ACACA: variants seen among roughly 807,000 people sequenced by gnomAD.
ACACA encodes the protein acetyl-CoA carboxylase alpha, also known as acetyl-CoA carboxylase 1.
Under a neutral mutation model 296.1 loss-of-function variants are expected in ACACA, and 103 were observed. The observed-to-expected ratio is 0.35, with a 90% CI of 0.30 to 0.41. ACACA has a LOEUF of 0.41. Among genes scored for constraint, ACACA ranks in the 10% least tolerant of loss-of-function variants. The probability of loss-of-function intolerance (pLI) is 1.00; values close to 1 mark genes in which losing one functional copy is unlikely to be tolerated. For synonymous variants in ACACA, 953 were observed against 1,038.6 expected (o/e 0.92, Z 1.58); for missense variants, 1,554 against 2,989.7 (o/e 0.52, Z 11.20).
intron 5 of ACACA, 34 bp downstream of exon 5, chr17:37,283,233 T>G: frequency 6.2e-7 from 1 of 1,613,772 alleles, no homozygotes; most frequent in South Asian, 1.1e-5. Flanking sequence ...GTTTTAGTTT[T>G]GAGAGTGATG....
intron 29 of ACACA, among the ~76,000 whole-genome samples, chr17:37,219,517 G>A (rs976206042): frequency 7.2e-5 from 11 of 152,046 alleles, no homozygotes; most frequent in African/African-American, 2.7e-4. Context: ...GGACAATTTG[G>A]TGGTGGACTG....
chr17:37,390,171 T>TACACAC lies in ACACA; in HGVS notation c.38+16090_38+16091insGTGTGT, dbSNP rs1214175820. ...ATATATATATATATATATATATATA[T>TACACAC]ATATACACACACACATTATATATAA... On this transcript the variant is annotated intron_variant, in intron 1 of 55. Transcript: ENST00000616317. Among the ~76,000 whole-genome samples the TACACAC allele has an allele frequency of 7.1e-5, 4 of 56,176 alleles. 1 individual carries two copies. Among genetic ancestry groups the TACACAC allele is most frequent in the African/African-American group, 4.0e-4 (4 of 10,088 alleles). 36.9% of individuals were successfully genotyped at this position (56,176 alleles called of 152,430 possible). A position where few individuals can be genotyped will look rare whatever the true frequency, so the allele number is the denominator to read the frequency against.
At chr17:37,290,206 C>G (rs982731600) in intron 3 of ACACA, among the ~76,000 whole-genome samples, 23 of 152,214 alleles carry the variant, frequency 1.5e-4, no homozygotes, top group African/African-American at 5.5e-4. Flanking sequence ...TGCCACCACG[C>G]TCGACTAATT....
intron 1 of ACACA, among the ~76,000 whole-genome samples, chr17:37,359,584 G>A (rs989667778): frequency 6.6e-6 from 1 of 152,196 alleles, no homozygotes; most frequent in Non-Finnish European, 1.5e-5. Flanking sequence ...AGGGACAGAG[G>A]CGTCCCAAGT....
chr17:37,175,826 C>A (rs564136318), intron 41 of ACACA, among the ~76,000 whole-genome samples: 1 of 152,272 alleles, frequency 6.6e-6, no homozygotes, highest in East Asian at 1.9e-4. Flanking sequence ...TTTCATCATG[C>A]ATTAGGTGGT....
In ACACA at chr17:37,240,474, A is replaced by G; in HGVS notation, c.3121+2T>C. 6.2e-7 allele frequency: 1 copy of G among 1,613,428 alleles called. No homozygotes were observed. Among genetic ancestry groups the G allele is most frequent in the Non-Finnish European group, 8.5e-7 (1 of 1,179,846 alleles). ...CTAGAGAGTCCTCAGGAAGAGGCTT[A>G]CCATTCTGGAATTGTGTCTCTACTC... On this transcript the variant is annotated splice_donor_variant, in intron 24 of 55. Transcript: ENST00000616317. LOFTEE classifies it high-confidence loss of function.
chr17:37,136,111 CCAT>C (rs1219333569), intron 45 of ACACA, among the ~76,000 whole-genome samples: 6 of 151,778 alleles, frequency 4.0e-5, no homozygotes, highest in Non-Finnish European at 7.4e-5. Flanking sequence ...GCAAAACTGT[CCAT>C]CATAAGGTAT....
chr17:37,153,897 A>G (rs1448166460), intron 43 of ACACA, among the ~76,000 whole-genome samples: 2 of 152,178 alleles, frequency 1.3e-5, no homozygotes, highest in Non-Finnish European at 2.9e-5. Context: ...GGAAAAACAT[A>G]CCCTGTTTCT....
chr17:37,311,693 T>C (rs780598876), intron 3 of ACACA, among the ~76,000 whole-genome samples: 1 of 151,234 alleles, frequency 6.6e-6, no homozygotes, highest in African/African-American at 2.4e-5. Flanking sequence ...AGAAAAACAA[T>C]ATAGGAGAAA....
chr17:37,322,323 G>A, intron 3 of ACACA, among the ~76,000 whole-genome samples: 1 of 152,132 alleles, frequency 6.6e-6, no homozygotes, highest in East Asian at 1.9e-4. Context: ...ATTGTTCTCA[G>A]ATAAAGTTGT....
At position 37,252,821 on chromosome 17, in the gene ACACA, C is replaced by A. The variant is rs1457784518; in HGVS notation, c.1977+65G>T. The A allele has an allele frequency of 1.9e-6, 3 of 1,591,684 alleles. No homozygotes were observed. In the African/African-American group the frequency reaches 4.0e-5, roughly 21 times the overall value. ...GAATCAAATAAATTTCATGTAGTGA[C>A]AGGGATTGAGTACACAAGTCTATAA... is the stretch of plus-strand genomic sequence containing the variant. On this transcript the variant is annotated intron_variant, in intron 15 of 55. Transcript: ENST00000616317.
chr17:37,376,027 A>C, intron 1 of ACACA: 6 of 1,380,750 alleles, frequency 4.3e-6, no homozygotes, highest in African/African-American at 1.4e-5. Context: ...AACTAGAGGC[A>C]GAGCTATCAA....
chr17:37,129,635 T>G, intron 46 of ACACA, 150 bp from the exon 47 acceptor site: 1 of 1,086,860 alleles, frequency 9.2e-7, no homozygotes, highest in African/African-American at 1.5e-5. Context: ...ATCCTACGTA[T>G]GTGCCAGGCC....
At chr17:37,337,004 C>A (rs1388837732) in intron 2 of ACACA, among the ~76,000 whole-genome samples, 1 of 152,082 alleles carries the variant, frequency 6.6e-6, no homozygotes, top group Admixed American at 6.5e-5. Flanking sequence ...AGTGTGGTCC[C>A]TGGACCATTG....
In ACACA at chr17:37,285,055, A is replaced by T; in HGVS notation, c.339-85T>A. The T allele has an allele frequency of 2.7e-6, 4 of 1,507,536 alleles. No homozygotes were observed. The Admixed American group carries it at 6.7e-5, about 25-fold the overall frequency. 93.4% of individuals were successfully genotyped at this position (1,507,536 alleles called of 1,614,324 possible). On this transcript the variant is annotated intron_variant, in intron 3 of 55. Coordinates refer to ENST00000616317, the MANE Select transcript of ACACA (RefSeq NM_198834.3). ...CTACCATACCCATAACAGTACTTTC[A>T]CAACTGCATCCTGTGAAGACTGCAT... is the stretch of plus-strand genomic sequence containing the variant.
intron 3 of ACACA, among the ~76,000 whole-genome samples, chr17:37,307,761 T>C (rs2083950261): frequency 6.6e-6 from 1 of 152,032 alleles, no homozygotes; most frequent in South Asian, 2.1e-4. Flanking sequence ...TAATTTTTTA[T>C]ATTTTTAGTA....
intron 41 of ACACA, among the ~76,000 whole-genome samples, chr17:37,170,305 G>A (rs1251021238): frequency 6.6e-6 from 1 of 151,942 alleles, no homozygotes; most frequent in Non-Finnish European, 1.5e-5. Context: ...AACAGCTCAA[G>A]TGAGGGAGGA....
At chr17:37,237,122 G>T (rs1167521710) in intron 24 of ACACA, among the ~76,000 whole-genome samples, 1 of 152,004 alleles carries the variant, frequency 6.6e-6, no homozygotes, top group East Asian at 1.9e-4. Flanking sequence ...GAAAAAAATG[G>T]AATCACTGTA....
chr17:37,363,518 C>A (rs2049494528), intron 1 of ACACA, among the ~76,000 whole-genome samples: 1 of 151,790 alleles, frequency 6.6e-6, no homozygotes, highest in African/African-American at 2.4e-5. Context: ...AATAATTAAT[C>A]ACCCTAAAGT....
Sources: allele counts gnomAD v4.1 joint callset (sites outside exome capture counted in the v4.1 genomes callset), GRCh38; gene constraint gnomAD v4.1.1; transcripts MANE v1.5; gene names NCBI Gene and HGNC (gene_info 2026-07-23, HGNC 2026-07-21).